Variants in MACROH2A1 observed in about 807,000 individuals in gnomAD.
MACROH2A1 encodes macroH2A.1 histone.
MACROH2A1 carries 2 observed loss-of-function variants against 31.6 expected under a neutral mutation model. The observed-to-expected ratio is 0.06, with a 90% confidence interval of 0.03 to 0.20. The LOEUF (loss-of-function observed/expected upper bound fraction) is 0.20, where lower values mean the gene tolerates loss of function less well. Among genes scored for constraint, MACROH2A1 ranks in the 10% least tolerant of loss-of-function variants. The probability of loss-of-function intolerance (pLI) is 1.00; values close to 1 mark genes in which losing one functional copy is unlikely to be tolerated. For synonymous variants in MACROH2A1, 169 were observed against 189.6 expected (o/e 0.89, Z 0.89); for missense variants, 230 against 474.0 (o/e 0.49, Z 4.78).
At position 135,360,546 on chromosome 5, in the gene MACROH2A1, G is replaced by A. The variant is rs977466446; in HGVS notation, c.539C>T (p.Ala180Val). The A allele has an allele frequency of 1.2e-6, 2 of 1,614,046 alleles. No homozygotes were observed. Among genetic ancestry groups the A allele is most frequent in the African/African-American group, 2.7e-5 (2 of 75,058 alleles). The change falls in exon 5 of 9, where the codon GCC becomes GTC. Residue 180 changes from alanine (A) to valine (V), a missense_variant. Ala to Val is a moderately conservative substitution (Grantham distance 64). Transcript: ENST00000511689. ...SADSTTEGTP[A>V]DGFTVLSTKS... Reference sequence around the variant, plus strand: ...GGTGGAGAGGACTGTGAAGCCGTCGGCAGGTGTGCCCTCGGTTGTGCTGTC... The same window carrying A: ...GGTGGAGAGGACTGTGAAGCCGTCGACAGGTGTGCCCTCGGTTGTGCTGTC...
At chr5:135,378,852 G>C (rs750703304) in intron 2 of MACROH2A1, among the ~76,000 whole-genome samples, 5 of 152,030 alleles carry the variant, frequency 3.3e-5, no homozygotes, top group Non-Finnish European at 1.5e-5. Flanking sequence ...CACTTCCCCC[G>C]AAGTCCCTAA....
At chr5:135,374,366 C>T (rs1170832052) in intron 2 of MACROH2A1, among the ~76,000 whole-genome samples, 2 of 152,136 alleles carry the variant, frequency 1.3e-5, no homozygotes, top group South Asian at 2.1e-4. Flanking sequence ...ACAGGGCACA[C>T]GTCACCAAAG....
At chr5:135,339,605 T>G (rs1759429423) in intron 8 of MACROH2A1, among the ~76,000 whole-genome samples, 1 of 152,184 alleles carries the variant, frequency 6.6e-6, no homozygotes, top group Admixed American at 6.5e-5. Flanking sequence ...GATTCTGGTA[T>G]TCTTTGTCTG....
intron 2 of MACROH2A1, among the ~76,000 whole-genome samples, chr5:135,379,153 G>A (rs1176630258): frequency 6.6e-6 from 1 of 152,202 alleles, no homozygotes; most frequent in East Asian, 1.9e-4. Context: ...GTTTCCACAT[G>A]GCTCCCACAG....
At chr5:135,351,543 A>ATTTTTTTTTTTTTTTTTTTTTTTTTTT (rs57605717) in intron 6 of MACROH2A1, 3 of 48,498 alleles carry the variant, frequency 6.2e-5, no homozygotes, top group Non-Finnish European at 8.0e-5. Flanking sequence ...TTATGGTTTA[A>ATTTTTTTTTTTTTTTTTTTTTTTTTTT]TTTTTTTTTT....
intron 8 of MACROH2A1, among the ~76,000 whole-genome samples, chr5:135,336,562 A>G (rs1048085410): frequency 6.6e-6 from 1 of 152,132 alleles, no homozygotes. Context: ...GAGAGGGGTC[A>G]GAGCTCCAGA....
chr5:135,355,194 G>A (rs1042870323), intron 5 of MACROH2A1: 17 of 455,924 alleles, frequency 3.7e-5, no homozygotes, highest in Non-Finnish European at 6.6e-5. Flanking sequence ...TAGGGGAATG[G>A]GATTCTCTGG....
intron 4 of MACROH2A1, chr5:135,361,875 A>T (rs1454342898): frequency 6.6e-6 from 1 of 152,212 alleles, no homozygotes; most frequent in Non-Finnish European, 1.5e-5. Context: ...TATGGCAAAC[A>T]TTTTTTCTAA....
At chr5:135,366,508 T>C (rs902399669) in intron 4 of MACROH2A1, among the ~76,000 whole-genome samples, 4 of 151,180 alleles carry the variant, frequency 2.6e-5, no homozygotes, top group African/African-American at 4.9e-5. Flanking sequence ...AGCTAGGAAA[T>C]AGCTAACCCC....
chr5:135,388,063 AAAC>A (rs1219649551), intron 2 of MACROH2A1, among the ~76,000 whole-genome samples: 1 of 152,032 alleles, frequency 6.6e-6, no homozygotes, highest in African/African-American at 2.4e-5. Flanking sequence ...AAAAAAAAAA[AAAC>A]AGAGGAAGGG....
Position 135,336,295 on chromosome 5 carries a change from G to T in MACROH2A1, c.954-1154C>A, listed in dbSNP as rs190688000. On this transcript the variant is annotated intron_variant, in intron 8 of 8. Coordinates refer to ENST00000511689, the MANE Select transcript of MACROH2A1 (RefSeq NM_138610.3). The stretch of plus-strand genomic sequence containing the variant: ...ATCTCAGCGATCCACTGTTGACAGT[G>T]CACAGTGCATTTCACAGCCACAGGG... Among the ~76,000 whole-genome samples the T allele has an allele frequency of 5.8e-4, 88 of 152,330 alleles. 1 individual carries two copies. In the South Asian group the frequency reaches 7.0e-3, roughly 12 times the overall value.
At chr5:135,370,535 C>A (rs1431237854) in intron 2 of MACROH2A1, among the ~76,000 whole-genome samples, 2 of 141,418 alleles carry the variant, frequency 1.4e-5, no homozygotes, top group Non-Finnish European at 2.9e-5. Flanking sequence ...TGAGAGTATA[C>A]CATGCCTGCT....
rs368267936 is a variant in MACROH2A1, at chr5:135,334,912, AT to A, written c.*63del. 1.5e-3 allele frequency: 1,986 copies of A among 1,313,148 alleles called. No homozygotes were observed. Among genetic ancestry groups the A allele is most frequent in the South Asian group, 2.6e-3 (188 of 71,732 alleles). 81.3% of individuals were successfully genotyped at this position (1,313,148 alleles called of 1,614,324 possible). On this transcript the variant is annotated 3_prime_UTR_variant, in exon 9 of 9. Transcript: ENST00000511689. ...CCACCTCCCAGTAGGAGTGAAGGGG[AT>A]TTTTTTTTTCTTTTAAACTGAAGGT... is the stretch of plus-strand genomic sequence containing the variant.
At chr5:135,351,026 G>T in intron 6 of MACROH2A1, 1 of 683,052 alleles carries the variant, frequency 1.5e-6, no homozygotes. Context: ...TCCAACATAT[G>T]AGCCCAAGGG....
At chr5:135,355,684 A>G in intron 5 of MACROH2A1, 2 of 206,330 alleles carry the variant, frequency 9.7e-6, no homozygotes, top group Non-Finnish European at 2.0e-5. Context: ...AGTGGGCAGA[A>G]GCTGACAGTG....
intron 2 of MACROH2A1, among the ~76,000 whole-genome samples, chr5:135,376,727 C>T (rs1764926581): frequency 6.6e-6 from 1 of 152,156 alleles, no homozygotes; most frequent in Admixed American, 6.5e-5. Context: ...GGGAGTGATA[C>T]CTGAGGTTAC....
In MACROH2A1 at chr5:135,371,883, C is replaced by T. The variant is rs530157481; in HGVS notation, c.173-1741G>A. ...TTATGAAATAACTAGGAAGAAAATTCTAGCTGCATAAAAATCGTGTGTTAA... is the reference window on the plus strand; with the variant it reads ...TTATGAAATAACTAGGAAGAAAATTTTAGCTGCATAAAAATCGTGTGTTAA... On this transcript the variant is annotated intron_variant, in intron 2 of 8. Coordinates refer to ENST00000511689, the MANE Select transcript of MACROH2A1 (RefSeq NM_138610.3). Among the ~76,000 whole-genome samples the T allele has an allele frequency of 2.1e-4, 32 of 152,260 alleles. 1 individual carries two copies. Among genetic ancestry groups the T allele is most frequent in the South Asian group, 6.2e-4 (3 of 4,824 alleles).
intron 1 of MACROH2A1, among the ~76,000 whole-genome samples, chr5:135,397,890 T>G (rs772812410): frequency 2.2e-4 from 34 of 152,074 alleles, no homozygotes; most frequent in Non-Finnish European, 3.8e-4. Context: ...GCAGGGAGCT[T>G]TGGAACAAAA....
chr5:135,376,962 G>A (rs1220345220), intron 2 of MACROH2A1, among the ~76,000 whole-genome samples: 1 of 152,180 alleles, frequency 6.6e-6, no homozygotes, highest in East Asian at 1.9e-4. Context: ...CAGAAAACCT[G>A]GTGTTTCCTC....
Sources: allele counts gnomAD v4.1 joint callset (sites outside exome capture counted in the v4.1 genomes callset), GRCh38; gene constraint gnomAD v4.1.1; transcripts MANE v1.5; gene names NCBI Gene and HGNC (gene_info 2026-07-23, HGNC 2026-07-21).